SUCLG2: variants seen among roughly 807,000 people sequenced by gnomAD.
SUCLG2 encodes succinate--CoA ligase [GDP-forming] subunit beta, mitochondrial.
Under a neutral mutation model 47.9 loss-of-function variants are expected in SUCLG2, and 42 were observed. The observed-to-expected ratio is 0.88, with a 90% CI of 0.69 to 1.14. The LOEUF (loss-of-function observed/expected upper bound fraction) is 1.14, where lower values mean the gene tolerates loss of function less well. Among genes scored for constraint, SUCLG2 ranks in the 50% most tolerant of loss-of-function variants. The pLI, the probability that SUCLG2 is intolerant of heterozygous loss-of-function variation, is 0.00. For synonymous variants in SUCLG2, 195 were observed against 197.3 expected (o/e 0.99, Z 0.10); for missense variants, 571 against 525.9 (o/e 1.09, Z -0.84).
At chr3:67,380,069 C>T (rs992898667) in intron 10 of SUCLG2, among the ~76,000 whole-genome samples, 2 of 151,980 alleles carry the variant, frequency 1.3e-5, no homozygotes, top group African/African-American at 4.8e-5. Context: ...GAGGAGTGGG[C>T]GGGTACTTTT....
At chr3:67,489,117 G>A (rs916251334) in intron 9 of SUCLG2, among the ~76,000 whole-genome samples, 1 of 152,092 alleles carries the variant, frequency 6.6e-6, no homozygotes, top group African/African-American at 2.4e-5. Flanking sequence ...CAGATACACC[G>A]ATCATGTGGA....
chr3:67,649,762 T>A (rs1701253635), intron 1 of SUCLG2, among the ~76,000 whole-genome samples: 1 of 152,252 alleles, frequency 6.6e-6, no homozygotes, highest in Admixed American at 6.5e-5. Flanking sequence ...GTAAAACTTT[T>A]CCATCAAGTA....
chr3:67,487,499 T>TACACACACACACACAC lies in SUCLG2; in HGVS notation c.1062+8283_1062+8298dup, dbSNP rs143841918. Among the ~76,000 whole-genome samples the TACACACACACACACAC allele has an allele frequency of 4.8e-4, 72 of 149,920 alleles. 1 individual carries two copies. The highest frequency in any genetic ancestry group is 1.4e-3 in the African/African-American group (56 of 40,670). ...ATTCCCTTGATCTCAAACACACATA[T>TACACACACACACACAC]ACACACACACACACACACAAACACA... On this transcript the variant is annotated intron_variant, in intron 9 of 10. Coordinates refer to ENST00000307227, the MANE Select transcript of SUCLG2 (RefSeq NM_003848.4).
intron 2 of SUCLG2, among the ~76,000 whole-genome samples, chr3:67,572,779 C>T (rs1044606866): frequency 1.3e-5 from 2 of 151,880 alleles, no homozygotes; most frequent in Non-Finnish European, 2.9e-5. Context: ...CGCCTCTTAC[C>T]GATTCTACTC....
At chr3:67,505,572 C>T (rs898560944) in intron 7 of SUCLG2, among the ~76,000 whole-genome samples, 16 of 152,116 alleles carry the variant, frequency 1.1e-4, no homozygotes, top group African/African-American at 2.2e-4. Context: ...TCACTCAACA[C>T]GGCATCACTT....
intron 9 of SUCLG2, among the ~76,000 whole-genome samples, chr3:67,493,470 G>A (rs1377268737): frequency 5.9e-5 from 9 of 152,270 alleles, no homozygotes; most frequent in Non-Finnish European, 1.3e-4. Context: ...TTTTGGAAGA[G>A]AGTGGTTTTT....
intron 9 of SUCLG2, among the ~76,000 whole-genome samples, chr3:67,459,936 G>C (rs1351070494): frequency 6.6e-6 from 1 of 152,064 alleles, no homozygotes; most frequent in Non-Finnish European, 1.5e-5. Flanking sequence ...GCAGGGAAAA[G>C]GGCTCCCTTC....
intron 9 of SUCLG2, among the ~76,000 whole-genome samples, chr3:67,433,497 C>T (rs1367023380): frequency 2.6e-5 from 4 of 152,076 alleles, no homozygotes; most frequent in Non-Finnish European, 5.9e-5. Context: ...AGAATCCTTT[C>T]TAGAAGATGG....
intron 7 of SUCLG2, among the ~76,000 whole-genome samples, chr3:67,505,999 C>A (rs531125269): frequency 6.6e-6 from 1 of 150,466 alleles, no homozygotes; most frequent in South Asian, 2.1e-4. Context: ...AAAGAAACAA[C>A]AACAACAAAA....
At chr3:67,475,371 C>T (rs1226711046) in intron 9 of SUCLG2, among the ~76,000 whole-genome samples, 1 of 152,184 alleles carries the variant, frequency 6.6e-6, no homozygotes, top group Non-Finnish European at 1.5e-5. Flanking sequence ...TTCTACTCCA[C>T]CTAAGAAAAG....
chr3:67,366,967 C>T (rs575990978), intron 10 of SUCLG2, among the ~76,000 whole-genome samples: 2 of 152,110 alleles, frequency 1.3e-5, no homozygotes, highest in Non-Finnish European at 2.9e-5. Context: ...ATTTCAAATA[C>T]TAGAATTTTA....
chr3:67,633,750 T>C (rs1482215850), intron 1 of SUCLG2, among the ~76,000 whole-genome samples: 1 of 152,178 alleles, frequency 6.6e-6, no homozygotes, highest in East Asian at 1.9e-4. Context: ...CTGTGGGCTA[T>C]GAAGGGCCCT....
At chr3:67,407,479 A>G (rs2106828889) in intron 9 of SUCLG2, among the ~76,000 whole-genome samples, 1 of 152,350 alleles carries the variant, frequency 6.6e-6, no homozygotes, top group South Asian at 2.1e-4. Flanking sequence ...TAACAAGTTC[A>G]TAGAAGGAAA....
At chr3:67,405,758 C>T (rs1374355143) in intron 9 of SUCLG2, among the ~76,000 whole-genome samples, 2 of 152,140 alleles carry the variant, frequency 1.3e-5, no homozygotes, top group African/African-American at 4.8e-5. Context: ...TTTTTCTGGG[C>T]AAAGTGTACA....
At chr3:67,410,746 TA>T (rs1044780232) in intron 9 of SUCLG2, among the ~76,000 whole-genome samples, 9 of 152,082 alleles carry the variant, frequency 5.9e-5, no homozygotes, top group African/African-American at 1.2e-4. Context: ...TCAAAAGGCT[TA>T]AAAAAAGAGT....
chr3:67,559,660 G>T (rs191143927), intron 2 of SUCLG2, among the ~76,000 whole-genome samples: 137 of 151,914 alleles, frequency 9.0e-4, no homozygotes, highest in African/African-American at 3.0e-3. Context: ...TTACTGTAAA[G>T]AAAAAAATAA....
chr3:67,613,935 C>T (rs766533028), intron 1 of SUCLG2, among the ~76,000 whole-genome samples: 4 of 152,110 alleles, frequency 2.6e-5, no homozygotes, highest in African/African-American at 4.8e-5. Flanking sequence ...AGGACTTTCA[C>T]GAAATGCTGA....
intron 9 of SUCLG2, among the ~76,000 whole-genome samples, chr3:67,409,790 G>C (rs1195095510): frequency 6.6e-6 from 1 of 151,500 alleles, no homozygotes; most frequent in Admixed American, 6.6e-5. Flanking sequence ...TTTAAATATA[G>C]ACTTCCAGCT....
intron 7 of SUCLG2, among the ~76,000 whole-genome samples, chr3:67,501,814 G>A (rs942860982): frequency 6.6e-6 from 1 of 151,894 alleles, no homozygotes; most frequent in Non-Finnish European, 1.5e-5. Flanking sequence ...TGGAGTACAG[G>A]GAAGCTTGTC....
Sources: gnomAD v4.1 joint callset for allele counts (sites outside exome capture counted in the v4.1 genomes callset) on GRCh38, gnomAD v4.1.1 for gene constraint, MANE v1.5 for transcripts, NCBI Gene and HGNC (gene_info 2026-07-23, HGNC 2026-07-21) for gene names.